Variants in RUBCN observed in about 807,000 individuals in gnomAD.
RUBCN encodes the protein rubicon autophagy regulator.
In RUBCN, 74 loss-of-function variants were observed where a neutral mutation model predicts 113.2. The observed-to-expected ratio is 0.65, with a 90% CI of 0.54 to 0.79. The LOEUF (loss-of-function observed/expected upper bound fraction) is 0.79, where lower values mean the gene tolerates loss of function less well. RUBCN is among the 30% of genes least tolerant of loss of function. RUBCN has a pLI of 0.00. For synonymous variants in RUBCN, 480 were observed against 490.0 expected (o/e 0.98, Z 0.27); for missense variants, 1,109 against 1,251.7 (o/e 0.89, Z 1.72).
rs970840784 is a variant in RUBCN, at chr3:197,670,541, G to A, written c.*4477C>T. On this transcript the variant is annotated 3_prime_UTR_variant, in exon 20 of 20. Coordinates refer to ENST00000296343, the MANE Select transcript of RUBCN (RefSeq NM_014687.4). Reference sequence around the variant, plus strand: ...TGGAAATCAAGCTTTGGCTTCCTGTGAACTACACCAGTTTGTAACAATGAA... The same window carrying A: ...TGGAAATCAAGCTTTGGCTTCCTGTAAACTACACCAGTTTGTAACAATGAA... 1.3e-5 allele frequency among the ~76,000 whole-genome samples: 2 copies of A among 152,210 alleles called. No homozygotes were observed. Among genetic ancestry groups the A allele is most frequent in the Non-Finnish European group, 2.9e-5 (2 of 68,036 alleles).
At chr3:197,715,744 G>A (rs1015150044) in intron 2 of RUBCN, among the ~76,000 whole-genome samples, 13 of 152,146 alleles carry the variant, frequency 8.5e-5, no homozygotes, top group Non-Finnish European at 1.2e-4. Context: ...TTAACTACTC[G>A]TGTCGTAGCT....
chr3:197,721,318 T>C (rs1364322191), intron 1 of RUBCN, among the ~76,000 whole-genome samples: 3 of 152,186 alleles, frequency 2.0e-5, no homozygotes, highest in Non-Finnish European at 4.4e-5. Flanking sequence ...GTTTTCTGTT[T>C]TGTCATGATT....
At position 197,696,965 on chromosome 3, in the gene RUBCN, T is replaced by C. The variant is rs1190475310; in HGVS notation, c.1346A>G (p.Tyr449Cys). 6.3e-7 allele frequency: 1 copy of C among 1,589,450 alleles called. No homozygotes were observed. Among genetic ancestry groups the C allele is most frequent in the Non-Finnish European group, 8.6e-7 (1 of 1,157,590 alleles). Residue 449 changes from tyrosine (Y) to cysteine (C), a missense_variant, in exon 8 of 20, where the codon TAC (tyrosine) becomes TGC (cysteine). Tyr to Cys is a radical substitution (Grantham distance 194). This residue lies in a region of RUBCN where 736 missense variants were observed against 779.6 expected (regional missense o/e 0.94). Transcript: ENST00000296343. ...SSEVSTPSSL[Y>C]MEYEGGRYLC... is the part of the protein sequence containing the mutation. ...TTCCTAGTACTCACCATATTCCATG[T>C]ACAGAGAGCTGGGTGTGCTGACTTC...
chr3:197,697,167 G>T, intron 7 of RUBCN, 118 bp from the exon 8 acceptor site: 1 of 682,522 alleles, frequency 1.5e-6, no homozygotes, highest in East Asian at 2.8e-5. Context: ...CCAAGCAGGA[G>T]AGAGGCGGCA....
chr3:197,728,874 G>A (rs1727061502), intron 1 of RUBCN, among the ~76,000 whole-genome samples: 1 of 152,226 alleles, frequency 6.6e-6, no homozygotes. Context: ...AGGTATTGCA[G>A]TGAGTGTAGA....
intron 4 of RUBCN, among the ~76,000 whole-genome samples, chr3:197,704,152 C>T (rs1368081529): frequency 6.6e-6 from 1 of 152,050 alleles, no homozygotes; most frequent in African/African-American, 2.4e-5. Context: ...AACAGGAGGC[C>T]CTGCCGGGCA....
chr3:197,738,036 G>A (rs186326911), upstream of RUBCN, among the ~76,000 whole-genome samples: 2 of 152,234 alleles, frequency 1.3e-5, no homozygotes, highest in Non-Finnish European at 2.9e-5. Context: ...CTACAGGTGC[G>A]AGCCACCACA....
intron 1 of RUBCN, among the ~76,000 whole-genome samples, chr3:197,724,758 T>C (rs1368283928): frequency 6.6e-6 from 1 of 152,226 alleles, no homozygotes; most frequent in Non-Finnish European, 1.5e-5. Context: ...AATGTAAAAT[T>C]AGATTTACGA....
rs778974388 is a variant in RUBCN, at chr3:197,682,565, G to A, written c.2031C>T (p.His677=). ...SLPISPDDGQ[H]ADIYKLRIRV... ...GAATCCGCAGCTTGTAGATGTCAGC[G>A]TGCTGCCCGTCATCCGGTGAGATGG... Residue 677 remains histidine, a synonymous_variant, in exon 14 of 20, where the codon CAC becomes CAT. Transcript: ENST00000296343. The A allele has an allele frequency of 4.8e-5, 78 of 1,614,152 alleles. No homozygotes were observed. The highest frequency in any genetic ancestry group is 1.5e-4 in the African/African-American group (11 of 75,044).
chr3:197,682,672 G>A (rs1721382422), intron 13 of RUBCN, 57 bp from the exon 14 acceptor site: 7 of 1,608,934 alleles, frequency 4.4e-6, no homozygotes, highest in South Asian at 3.3e-5. Flanking sequence ...CCCGTCATCT[G>A]GTGAGATGGG....
At chr3:197,685,667 G>C (rs1721760601) in intron 11 of RUBCN, among the ~76,000 whole-genome samples, 2 of 152,204 alleles carry the variant, frequency 1.3e-5, no homozygotes. Context: ...TCTGAGCACA[G>C]GACAAGACAT....
chr3:197,704,722 A>G, intron 3 of RUBCN, 21 bp from the exon 4 acceptor site: 11 of 1,612,798 alleles, frequency 6.8e-6, no homozygotes, highest in Non-Finnish European at 9.3e-6. Flanking sequence ...AAGGGGCATG[A>G]GTCAAAACAC....
intron 2 of RUBCN, among the ~76,000 whole-genome samples, chr3:197,713,021 G>A (rs1025567537): frequency 4.6e-5 from 7 of 151,902 alleles, no homozygotes; most frequent in Non-Finnish European, 7.4e-5. Context: ...CACCACGCCC[G>A]GCTAATTTTG....
In RUBCN at chr3:197,674,855, T is replaced by C. The variant is rs1167083398; in HGVS notation, c.*163A>G. ...ACCCATCAACCTGCCGACGGCTGACTGCACACAGACGTCAGACAAGTCAGT... is the reference window on the plus strand; with the variant it reads ...ACCCATCAACCTGCCGACGGCTGACCGCACACAGACGTCAGACAAGTCAGT... On this transcript the variant is annotated 3_prime_UTR_variant, in exon 20 of 20. Coordinates refer to ENST00000296343, the MANE Select transcript of RUBCN (RefSeq NM_014687.4). The C allele has an allele frequency of 1.7e-6, 1 of 597,850 alleles. No individual in the cohort carries two copies. The highest frequency in any genetic ancestry group is 2.7e-6 in the Non-Finnish European group (1 of 367,966). The allele number at this position is 597,850 out of a possible 1,614,324, so 37.0% of individuals were successfully genotyped here.
chr3:197,732,026 A>T (rs9858489), intron 1 of RUBCN, among the ~76,000 whole-genome samples: 17,117 of 152,300 alleles, frequency 0.11, 1,173 homozygotes, highest in African/African-American at 0.18. Context: ...ACGCTCTGGC[A>T]TGTTGAGTGA....
At position 197,706,991 on chromosome 3, in the gene RUBCN, CAGCCGTGGG is replaced by C. The variant is rs1162614342; in HGVS notation, c.220-1825_220-1817del. On this transcript the variant is annotated intron_variant, in intron 2 of 19. Transcript: ENST00000296343. ...TTTTAAGTGGCCAGCCAGGGCTGGGCAGCCGTGGGACATCAACTCCAGCATGTCTCTTGG... is the reference window on the plus strand; with the variant it reads ...TTTTAAGTGGCCAGCCAGGGCTGGGCACATCAACTCCAGCATGTCTCTTGG... 1.3e-4 allele frequency among the ~76,000 whole-genome samples: 19 copies of C among 142,892 alleles called. 1 individual carries two copies. The highest frequency in any genetic ancestry group is 5.8e-4 in the African/African-American group (19 of 32,772). 93.7% of individuals were successfully genotyped at this position (142,892 alleles called of 152,430 possible).
intron 16 of RUBCN, among the ~76,000 whole-genome samples, chr3:197,679,478 A>G (rs1720925566): frequency 1.4e-5 from 2 of 144,324 alleles, no homozygotes; most frequent in African/African-American, 5.4e-5. Flanking sequence ...AGACTGTCCT[A>G]CGCTCTGACA....
In RUBCN at chr3:197,730,989, G is replaced by A. The variant is rs538358563; in HGVS notation, c.65+5666C>T. On this transcript the variant is annotated intron_variant, in intron 1 of 19. Coordinates refer to ENST00000296343, the MANE Select transcript of RUBCN (RefSeq NM_014687.4). The stretch of plus-strand genomic sequence containing the variant: ...GGGCATTATTATGTGTTAACTAGAG[G>A]TTTTTTGTTTTTGTTTTTGTTTTTA... Among the ~76,000 whole-genome samples the A allele has an allele frequency of 1.2e-4, 17 of 144,948 alleles. No individual in the cohort carries two copies. In the South Asian group the frequency reaches 3.2e-3, roughly 27 times the overall value.
At chr3:197,684,277 G>C (rs373328211) in intron 11 of RUBCN, 60 bp from the exon 12 acceptor site, 102 of 1,309,150 alleles carry the variant, frequency 7.8e-5, no homozygotes, top group Non-Finnish European at 1.1e-4. Context: ...AGGGAACCTG[G>C]AATCTATTAC....
Sources: allele counts gnomAD v4.1 joint callset (sites outside exome capture counted in the v4.1 genomes callset), GRCh38; gene constraint gnomAD v4.1.1; regional missense constraint gnomAD v4.1.1; transcripts MANE v1.5; gene names NCBI Gene and HGNC (gene_info 2026-07-23, HGNC 2026-07-21).